MITF: variants seen among roughly 807,000 people sequenced by gnomAD.
MITF encodes the protein microphthalmia-associated transcription factor.
A neutral mutation model predicts 60.5 loss-of-function variants in MITF; 17 were observed. The observed-to-expected ratio is 0.28, with a 90% CI of 0.19 to 0.42. The LOEUF (loss-of-function observed/expected upper bound fraction) is 0.42, where lower values mean the gene tolerates loss of function less well. MITF is among the 10% of genes least tolerant of loss of function. MITF has a pLI of 1.00. For missense variants in MITF, 622 were observed against 683.5 expected (o/e 0.91, Z 1.00); for synonymous variants, 260 against 248.5 (o/e 1.05, Z -0.43).
chr3:69,947,066 A>G (rs1452204794), intron 5 of MITF, among the ~76,000 whole-genome samples: 1 of 152,204 alleles, frequency 6.6e-6, no homozygotes, highest in Non-Finnish European at 1.5e-5. Flanking sequence ...AGGTCTATCA[A>G]TGACTTGGAG....
chr3:69,879,646 T>C (rs2064437964), intron 2 of MITF, among the ~76,000 whole-genome samples: 1 of 152,250 alleles, frequency 6.6e-6, no homozygotes, highest in Non-Finnish European at 1.5e-5. Context: ...TTTGTTGTGA[T>C]GACATCTTTC....
intron 2 of MITF, among the ~76,000 whole-genome samples, chr3:69,934,798 A>G (rs2065796471): frequency 6.6e-6 from 1 of 152,228 alleles, no homozygotes; most frequent in Non-Finnish European, 1.5e-5. Context: ...AGGGAATGTA[A>G]ATATGAAGAT....
chr3:69,886,766 A>G (rs1319258079), intron 2 of MITF, among the ~76,000 whole-genome samples: 1 of 151,924 alleles, frequency 6.6e-6, no homozygotes, highest in Non-Finnish European at 1.5e-5. Context: ...GGCCACATTG[A>G]CCCCCGTGGT....
At chr3:69,869,099 G>T (rs947517812) in intron 1 of MITF, among the ~76,000 whole-genome samples, 1 of 152,146 alleles carries the variant, frequency 6.6e-6, no homozygotes, top group Non-Finnish European at 1.5e-5. Context: ...TTGAATAAGG[G>T]TGCACCAACT....
At chr3:69,740,074 A>G (rs2106734614) in intron 1 of MITF, among the ~76,000 whole-genome samples, 1 of 152,206 alleles carries the variant, frequency 6.6e-6, no homozygotes, top group Admixed American at 6.5e-5. Context: ...TGGGGGAGAA[A>G]GAGTTCTAGT....
At chr3:69,756,776 CACA>C (rs1363282978) in intron 1 of MITF, among the ~76,000 whole-genome samples, 1 of 152,190 alleles carries the variant, frequency 6.6e-6, no homozygotes, top group Non-Finnish European at 1.5e-5. Flanking sequence ...CCTGTTTCTC[CACA>C]GCCTCACCAG....
chr3:69,828,368 A>G (rs2107083437), intron 1 of MITF, among the ~76,000 whole-genome samples: 1 of 152,324 alleles, frequency 6.6e-6, no homozygotes, highest in Admixed American at 6.5e-5. Flanking sequence ...ATCTTAGAAG[A>G]GTAATAGGTC....
chr3:69,855,759 T>C (rs1352610193), intron 1 of MITF, among the ~76,000 whole-genome samples: 1 of 152,210 alleles, frequency 6.6e-6, no homozygotes, highest in African/African-American at 2.4e-5. Flanking sequence ...TTCCAGGAGA[T>C]AACACAGGCC....
At chr3:69,914,553 T>C (rs997654631) in intron 2 of MITF, among the ~76,000 whole-genome samples, 1 of 152,196 alleles carries the variant, frequency 6.6e-6, no homozygotes, top group African/African-American at 2.4e-5. Flanking sequence ...CTTGCACAAA[T>C]TATTGCTTCT....
intron 1 of MITF, among the ~76,000 whole-genome samples, chr3:69,810,574 T>C (rs1001326024): frequency 6.6e-6 from 1 of 152,182 alleles, no homozygotes; most frequent in African/African-American, 2.4e-5. Context: ...ATTAACTCCC[T>C]GAAAAGACAT....
intron 1 of MITF, among the ~76,000 whole-genome samples, chr3:69,830,866 T>G (rs1343262287): frequency 6.6e-6 from 1 of 152,232 alleles, no homozygotes; most frequent in Non-Finnish European, 1.5e-5. Flanking sequence ...TAGCTTTTAA[T>G]GTATCCCTGT....
chr3:69,807,233 T>G lies in MITF; in HGVS notation c.104+67532T>G, dbSNP rs1414692073. ...ATTCCTGTGGTACATTATAGCTTTC[T>G]GGAGCCAGGTTAAGAATGAGATAGT... On this transcript the variant is annotated intron_variant, in intron 1 of 9. Coordinates refer to ENST00000352241, the MANE Select transcript of MITF (RefSeq NM_001354604.2). 8.5e-5 allele frequency among the ~76,000 whole-genome samples: 13 copies of G among 152,326 alleles called. 1 individual carries two copies.
At chr3:69,825,231 G>A (rs192987443) in intron 1 of MITF, among the ~76,000 whole-genome samples, 2 of 152,308 alleles carry the variant, frequency 1.3e-5, no homozygotes, top group Non-Finnish European at 2.9e-5. Context: ...AAAACAAGTG[G>A]TTGAAAGAGA....
chr3:69,961,589 C>T (rs1372368367), intron 9 of MITF, among the ~76,000 whole-genome samples: 1 of 151,044 alleles, frequency 6.6e-6, no homozygotes, highest in Non-Finnish European at 1.5e-5. Flanking sequence ...GAAAAATTAG[C>T]TGGGCATGGT....
intron 1 of MITF, among the ~76,000 whole-genome samples, chr3:69,750,081 G>C (rs1393722698): frequency 6.6e-6 from 1 of 152,098 alleles, no homozygotes; most frequent in East Asian, 1.9e-4. Context: ...CAATTAATTG[G>C]GGTTTGTTTT....
At chr3:69,834,700 T>A (rs2063510399) in intron 1 of MITF, among the ~76,000 whole-genome samples, 1 of 152,066 alleles carries the variant, frequency 6.6e-6, no homozygotes, top group Non-Finnish European at 1.5e-5. Flanking sequence ...AATAGAAGGG[T>A]TGCTGGATTA....
At chr3:69,956,015 T>C (rs1475221503) in intron 7 of MITF, among the ~76,000 whole-genome samples, 1 of 152,146 alleles carries the variant, frequency 6.6e-6, no homozygotes, top group Non-Finnish European at 1.5e-5. Context: ...CTGCATAATA[T>C]CCTCAATTTT....
intron 2 of MITF, among the ~76,000 whole-genome samples, chr3:69,917,712 T>C (rs1281851561): frequency 6.6e-6 from 1 of 152,034 alleles, no homozygotes; most frequent in Non-Finnish European, 1.5e-5. Context: ...ATAATCCAGA[T>C]CTGAACTGTA....
Position 69,863,248 on chromosome 3 carries a change from A to G in MITF, c.105-15886A>G, listed in dbSNP as rs1187990342. 1.3e-5 allele frequency among the ~76,000 whole-genome samples: 2 copies of G among 152,306 alleles called. 1 individual carries two copies. The highest frequency in any genetic ancestry group is 4.1e-4 in the South Asian group (2 of 4,828). ...GTGATGACTTGAGGAGCAGTATTTTAGTGCTGGGAAATGCACGTAACATCT... is the reference window on the plus strand; with the variant it reads ...GTGATGACTTGAGGAGCAGTATTTTGGTGCTGGGAAATGCACGTAACATCT... On this transcript the variant is annotated intron_variant, in intron 1 of 9. Transcript: ENST00000352241.
Sources: gnomAD v4.1 joint callset for allele counts (sites outside exome capture counted in the v4.1 genomes callset) on GRCh38, gnomAD v4.1.1 for gene constraint, MANE v1.5 for transcripts, NCBI Gene and HGNC (gene_info 2026-07-23, HGNC 2026-07-21) for gene names.